Variants in LYRM4 observed in about 807,000 individuals in gnomAD.
LYRM4 encodes LYR motif containing 4, also known as LYR motif-containing protein 4.
A neutral mutation model predicts 11.7 loss-of-function variants in LYRM4; 9 were observed. The ratio of observed to expected loss-of-function variants is 0.77; its 90% CI spans 0.46 to 1.34. The LOEUF (loss-of-function observed/expected upper bound fraction) is 1.34. Ranked by LOEUF, LYRM4 falls within the 40% of genes most tolerant of loss-of-function variation. The pLI is 0.00. For missense variants in LYRM4, 133 were observed against 112.5 expected (o/e 1.18, Z -0.82); for synonymous variants, 42 against 40.4 (o/e 1.04, Z -0.15).
At chr6:5,085,519 G>A in the LYRM4 span, 1 of 1,538,234 alleles carries the variant, frequency 6.5e-7, no homozygotes, top group Non-Finnish European at 8.7e-7. Context: ...AAGTTTGGAG[G>A]CGCCGGGACC....
the LYRM4 span, among the ~76,000 whole-genome samples, chr6:5,050,406 G>A: frequency 2.0e-3 from 297 of 152,302 alleles, 1 homozygote; most frequent in Non-Finnish European, 3.6e-3. Context: ...TTATGGAGGT[G>A]TAGACACGGA....
At chr6:5,060,149 T>C in the LYRM4 span, among the ~76,000 whole-genome samples, 9 of 152,134 alleles carry the variant, frequency 5.9e-5, no homozygotes, top group African/African-American at 2.2e-4. Flanking sequence ...GTGAAATACA[T>C]ATGTACACAC....
chr6:5,231,741 G>A lies in LYRM4; in HGVS notation c.87-15003C>T, dbSNP rs564987745. 9.9e-5 allele frequency among the ~76,000 whole-genome samples: 15 copies of A among 152,244 alleles called. No individual in the cohort carries two copies. In the South Asian group the frequency reaches 2.3e-3, roughly 23 times the overall value. ...CATGAGACCCGGAATACAATACCAC[G>A]CACTGTAACATAACTAGGGATAGTT... On this transcript the variant is annotated intron_variant, in intron 1 of 2. Transcript: ENST00000330636.
chr6:5,039,837 C>T, the LYRM4 span, among the ~76,000 whole-genome samples: 39 of 152,070 alleles, frequency 2.6e-4, no homozygotes, highest in Non-Finnish European at 2.5e-4. Flanking sequence ...AAGAAATTCA[C>T]TTACAGATGT....
chr6:5,227,775 C>A (rs916281430), intron 1 of LYRM4, among the ~76,000 whole-genome samples: 1 of 152,172 alleles, frequency 6.6e-6, no homozygotes, highest in African/African-American at 2.4e-5. Flanking sequence ...AAATGTGGCA[C>A]ATTTACACCA....
chr6:5,232,531 A>G (rs951695501), intron 1 of LYRM4, among the ~76,000 whole-genome samples: 3 of 152,244 alleles, frequency 2.0e-5, no homozygotes, highest in Non-Finnish European at 4.4e-5. Context: ...TAAACCATTC[A>G]CATATCTCAC....
At chr6:5,187,234 G>A (rs1409315322) in intron 2 of LYRM4, among the ~76,000 whole-genome samples, 3 of 152,182 alleles carry the variant, frequency 2.0e-5, no homozygotes, top group African/African-American at 7.2e-5. Context: ...GAATCAGGGT[G>A]AAGACAGGGT....
intron 1 of LYRM4, chr6:5,218,442 TTAAAG>T (rs1375394926): frequency 5.0e-5 from 48 of 958,144 alleles, no homozygotes; most frequent in Non-Finnish European, 5.6e-5. Context: ...ATAAAGTTTT[TTAAAG>T]TAAAAAGGCA....
chr6:5,079,914 A>G, the LYRM4 span, among the ~76,000 whole-genome samples: 1 of 152,236 alleles, frequency 6.6e-6, no homozygotes, highest in African/African-American at 2.4e-5. Flanking sequence ...TATCCAGGGC[A>G]CAACTATTTT....
At chr6:5,225,194 G>A (rs181763913) in intron 1 of LYRM4, among the ~76,000 whole-genome samples, 54 of 145,022 alleles carry the variant, frequency 3.7e-4, no homozygotes, top group Middle Eastern at 3.8e-3. Context: ...TTTGCAGTGA[G>A]CCAAGATTGC....
chr6:5,163,098 T>G (rs1257887551), intron 2 of LYRM4, among the ~76,000 whole-genome samples: 2 of 152,316 alleles, frequency 1.3e-5, no homozygotes, highest in Middle Eastern at 6.8e-3. Context: ...AATGTATTAA[T>G]TTTTTCCTTT....
chr6:5,174,068 A>G (rs1759581694), intron 2 of LYRM4, among the ~76,000 whole-genome samples: 1 of 152,178 alleles, frequency 6.6e-6, no homozygotes, highest in African/African-American at 2.4e-5. Flanking sequence ...CCAGTGTGCA[A>G]AGTGCAGAAA....
chr6:5,232,259 A>G (rs1763286275), intron 1 of LYRM4, among the ~76,000 whole-genome samples: 1 of 152,230 alleles, frequency 6.6e-6, no homozygotes, highest in Non-Finnish European at 1.5e-5. Flanking sequence ...AGGCTGAAGG[A>G]ACCTGGTCAT....
the LYRM4 span, among the ~76,000 whole-genome samples, chr6:5,062,253 A>G: frequency 7.4e-6 from 1 of 134,836 alleles, no homozygotes; most frequent in Non-Finnish European, 1.5e-5. Context: ...CCAGCTAATT[A>G]ATATATATTA....
intron 2 of LYRM4, among the ~76,000 whole-genome samples, chr6:5,199,566 T>G (rs1410120734): frequency 6.6e-6 from 1 of 152,210 alleles, no homozygotes; most frequent in Non-Finnish European, 1.5e-5. Context: ...TTTTGTGAAA[T>G]CTACACAATA....
At chr6:5,165,224 T>C (rs776180826) in intron 2 of LYRM4, among the ~76,000 whole-genome samples, 3 of 152,226 alleles carry the variant, frequency 2.0e-5, no homozygotes, top group African/African-American at 4.8e-5. Flanking sequence ...CCCATTCAAA[T>C]GATCACTTAT....
intron 2 of LYRM4, among the ~76,000 whole-genome samples, chr6:5,110,104 T>A (rs1451501953): frequency 1.3e-5 from 2 of 152,198 alleles, no homozygotes; most frequent in Non-Finnish European, 2.9e-5. Flanking sequence ...GCTGGAGCCA[T>A]CCTCTGGGGC....
At chr6:5,094,533 T>C in the LYRM4 span, among the ~76,000 whole-genome samples, 4 of 152,214 alleles carry the variant, frequency 2.6e-5, no homozygotes, top group Non-Finnish European at 5.9e-5. Context: ...TTGAGCAACG[T>C]GCCTGGTGGA....
the LYRM4 span, among the ~76,000 whole-genome samples, chr6:5,079,652 T>C: frequency 6.6e-6 from 1 of 152,144 alleles, no homozygotes; most frequent in East Asian, 1.9e-4. Flanking sequence ...GAGAAGAAGA[T>C]GGATTAGAAC....
Sources: allele counts gnomAD v4.1 joint callset (sites outside exome capture counted in the v4.1 genomes callset), GRCh38; gene constraint gnomAD v4.1.1; transcripts MANE v1.5; gene names NCBI Gene and HGNC (gene_info 2026-07-23, HGNC 2026-07-21).